Variants in SBF2 observed in about 807,000 individuals in gnomAD.
SBF2 encodes SET binding factor 2.
Under a neutral mutation model 225.2 loss-of-function variants are expected in SBF2, and 112 were observed. The observed-to-expected ratio is 0.50, with a 90% CI of 0.43 to 0.58. The LOEUF (loss-of-function observed/expected upper bound fraction) is 0.58. SBF2 is among the 20% of genes least tolerant of loss of function. SBF2 has a pLI of 0.00. For synonymous variants in SBF2, 763 were observed against 773.3 expected, an observed-to-expected ratio of 0.99 and a Z score of 0.22; for missense variants, 1,996 against 2,206.2, an observed-to-expected ratio of 0.90 and a Z score of 1.91.
In SBF2 at chr11:9,792,526, C is replaced by T. The variant is rs73414129; in HGVS notation, c.4571-1843G>A. On this transcript the variant is annotated intron_variant, in intron 33 of 39. Transcript: ENST00000256190. ...ATTTTGGCAGATAGAGGGTAGTTAC[C>T]ACAGGTGTTCCTAAACAAGGTTTCA... Among the ~76,000 whole-genome samples the T allele has an allele frequency of 9.7e-3, 1,483 of 152,152 alleles. 30 individuals carry two copies. The highest frequency in any genetic ancestry group is 0.033 in the African/African-American group (1,385 of 41,506).
chr11:10,269,418 C>T (rs1276032426), intron 1 of SBF2, among the ~76,000 whole-genome samples: 1 of 152,188 alleles, frequency 6.6e-6, no homozygotes, highest in Non-Finnish European at 1.5e-5. Flanking sequence ...AGGACTGAAA[C>T]TTTCCCTGGA....
At chr11:10,028,377 T>C (rs947401932) in intron 6 of SBF2, 75 bp downstream of exon 6, 1 of 897,942 alleles carries the variant, frequency 1.1e-6, no homozygotes, top group African/African-American at 1.6e-5. Context: ...TCATGTGAGG[T>C]GATGTCGACT....
At chr11:10,191,621 C>G (rs1957174997) in intron 2 of SBF2, among the ~76,000 whole-genome samples, 1 of 152,126 alleles carries the variant, frequency 6.6e-6, no homozygotes, top group African/African-American at 2.4e-5. Context: ...TAAGAATATG[C>G]CAAGAAGTCA....
rs148041587 is a variant in SBF2 at position 9,896,068 on chromosome 11, C to A, written c.1861-57G>T. The stretch of plus-strand genomic sequence containing the variant: ...GGATATTTACCAGAAATCACAAATA[C>A]ATGCGAACTAACATCTGGGATACAC... On this transcript the variant is annotated intron_variant, in intron 16 of 39. Transcript: ENST00000256190. 4.4e-3 allele frequency: 5,876 copies of A among 1,333,922 alleles called. 33 individuals are homozygous for A. The highest frequency in any genetic ancestry group is 7.7e-3 in the Middle Eastern group (42 of 5,462). The allele number at this position is 1,333,922 out of a possible 1,614,324, so 82.6% of individuals were successfully genotyped here. A position where few individuals can be genotyped will look rare whatever the true frequency, so the allele number is the denominator to read the frequency against.
intron 13 of SBF2, among the ~76,000 whole-genome samples, chr11:9,970,825 T>A (rs1253421160): frequency 6.6e-6 from 1 of 152,212 alleles, no homozygotes; most frequent in East Asian, 1.9e-4. Context: ...TTTCCCCCCA[T>A]ATCTAGCAAA....
chr11:9,879,977 G>A (rs1476931057), intron 17 of SBF2, among the ~76,000 whole-genome samples: 4 of 151,358 alleles, frequency 2.6e-5, no homozygotes, highest in East Asian at 1.9e-4. Flanking sequence ...CCAGCTACTC[G>A]GGAGGCTGAG....
chr11:10,225,675 T>C (rs891692728), intron 1 of SBF2, among the ~76,000 whole-genome samples: 1 of 152,186 alleles, frequency 6.6e-6, no homozygotes, highest in African/African-American at 2.4e-5. Context: ...AAAGCATTCA[T>C]CCATTCTGTC....
chr11:10,174,817 C>G (rs1956380631), intron 2 of SBF2, among the ~76,000 whole-genome samples: 2 of 151,874 alleles, frequency 1.3e-5, no homozygotes, highest in South Asian at 4.2e-4. Flanking sequence ...GATCTCTCGG[C>G]AGAAACTCTA....
chr11:9,782,764 G>A (rs1341620651), intron 38 of SBF2, among the ~76,000 whole-genome samples: 2 of 152,034 alleles, frequency 1.3e-5, no homozygotes, highest in East Asian at 1.9e-4. Context: ...CCAGCTACTC[G>A]GGAGGCTGAG....
At chr11:10,194,418 C>G (rs1957289478) in intron 1 of SBF2, among the ~76,000 whole-genome samples, 1 of 152,168 alleles carries the variant, frequency 6.6e-6, no homozygotes, top group Non-Finnish European at 1.5e-5. Flanking sequence ...GGAACTTGAG[C>G]ATCCATGGAT....
intron 1 of SBF2, among the ~76,000 whole-genome samples, chr11:10,213,048 A>C (rs984276382): frequency 2.7e-4 from 25 of 92,628 alleles, no homozygotes; most frequent in East Asian, 2.0e-3. Context: ...ACTCTGTCTC[A>C]AAAAAAAAAA....
chr11:9,958,515 C>A (rs544878270), intron 16 of SBF2: 1 of 160,026 alleles, frequency 6.2e-6, no homozygotes, highest in African/African-American at 2.4e-5. Context: ...CCCGCCACCT[C>A]GCCCGGCTAA....
At chr11:10,085,165 G>T (rs1414583099) in intron 2 of SBF2, among the ~76,000 whole-genome samples, 1 of 152,114 alleles carries the variant, frequency 6.6e-6, no homozygotes, top group Non-Finnish European at 1.5e-5. Flanking sequence ...TGAAAATACT[G>T]TTTTTTCAGG....
intron 28 of SBF2, among the ~76,000 whole-genome samples, chr11:9,825,208 A>C (rs1264072704): frequency 6.6e-6 from 1 of 152,162 alleles, no homozygotes; most frequent in Non-Finnish European, 1.5e-5. Flanking sequence ...AAAAGGAGAA[A>C]TTTGGAGCCA....
At chr11:10,232,761 A>C (rs549952234) in intron 1 of SBF2, among the ~76,000 whole-genome samples, 2 of 152,294 alleles carry the variant, frequency 1.3e-5, no homozygotes, top group Admixed American at 1.3e-4. Flanking sequence ...TTCTACTTCT[A>C]TGACAAGAGA....
intron 16 of SBF2, among the ~76,000 whole-genome samples, chr11:9,913,428 A>T (rs528390346): frequency 3.3e-5 from 5 of 152,166 alleles, no homozygotes; most frequent in South Asian, 2.1e-4. Flanking sequence ...GTTGATAAGG[A>T]TGTGAAACAA....
chr11:10,277,445 A>T (rs781194169), intron 1 of SBF2, among the ~76,000 whole-genome samples: 77 of 152,330 alleles, frequency 5.1e-4, no homozygotes, highest in Non-Finnish European at 9.8e-4. Flanking sequence ...TTTTTAAAAA[A>T]TTAAGCCTAT....
chr11:10,067,809 T>C (rs879443912), intron 2 of SBF2, among the ~76,000 whole-genome samples: 26 of 152,084 alleles, frequency 1.7e-4, no homozygotes, highest in Non-Finnish European at 3.2e-4. Flanking sequence ...GGAGGATCAA[T>C]TGAGCCCAAA....
chr11:10,196,513 G>A (rs1442733), intron 1 of SBF2, among the ~76,000 whole-genome samples: 14,424 of 151,692 alleles, frequency 0.095, 938 homozygotes, highest in East Asian at 0.29. Context: ...CAAGTAGCTG[G>A]GACTGCAGGT....
Sources: allele counts gnomAD v4.1 joint callset (sites outside exome capture counted in the v4.1 genomes callset), GRCh38; gene constraint gnomAD v4.1.1; transcripts MANE v1.5; gene names NCBI Gene and HGNC (gene_info 2026-07-23, HGNC 2026-07-21).